Variants in CRB2 observed in about 807,000 individuals in gnomAD.
The protein encoded by CRB2 is protein crumbs homolog 2.
CRB2 carries 85 observed loss-of-function variants against 110.9 expected under a neutral mutation model. The ratio of observed to expected loss-of-function variants is 0.77; its 90% CI spans 0.64 to 0.92. The LOEUF (loss-of-function observed/expected upper bound fraction) is 0.92, where lower values mean the gene tolerates loss of function less well. CRB2 is among the 40% of genes least tolerant of loss of function. The pLI is 0.00. For missense variants in CRB2, 1,843 were observed against 1,851.3 expected, an observed-to-expected ratio of 1.00 and a Z score of 0.08; for synonymous variants, 907 against 831.0, an observed-to-expected ratio of 1.09 and a Z score of -1.57.
At position 123,374,533 on chromosome 9, in the gene CRB2, G is replaced by T. The variant is rs778044295; in HGVS notation, c.3390-46G>T. On this transcript the variant is annotated intron_variant, in intron 10 of 12. Coordinates refer to ENST00000373631, the MANE Select transcript of CRB2 (RefSeq NM_173689.7). ...CACGGTCACAGCGCTGGGGAGGGCA[G>T]GTCCCAGGTGTCCTGCACCCACTCC... The T allele has an allele frequency of 2.8e-6, 4 of 1,422,792 alleles. No homozygotes were observed. In the South Asian group the frequency reaches 3.5e-5, roughly 12 times the overall value. 88.1% of individuals were successfully genotyped at this position (1,422,792 alleles called of 1,614,324 possible).
At chr9:123,375,158 T>G in intron 11 of CRB2, 59 bp from the exon 12 acceptor site, 1 of 1,607,518 alleles carries the variant, frequency 6.2e-7, no homozygotes, top group Non-Finnish European at 8.5e-7. Flanking sequence ...GCAGAGCAGC[T>G]GGGAGCACAA....
chr9:123,375,290 G>T lies in CRB2; in HGVS notation c.3580G>T (p.Val1194Leu), dbSNP rs1328392328. The change falls in exon 12 of 13, where the codon GTG becomes TTG. Residue 1194 changes from valine to leucine, a missense_variant. Val to Leu is a conservative substitution (Grantham distance 32). Coordinates refer to ENST00000373631, the MANE Select transcript of CRB2 (RefSeq NM_173689.7). ...NGGTCRAAGG[V>L]SECICNARFS... is the part of the protein sequence containing the mutation. ...GGGCACCTGCCGGGCAGCTGGAGGG[G>T]TGTCTGAATGTATCTGCAATGCCAG... 3 of 1,611,814 alleles carry T rather than the reference G, an allele frequency of 1.9e-6. No homozygotes were observed. The highest frequency in any genetic ancestry group is 1.7e-5 in the Admixed American group (1 of 59,758).
At position 123,377,232 on chromosome 9, in the gene CRB2, C is replaced by T; in HGVS notation, c.*170C>T. ...TGGATGGAGGACGAGGGGAGCAACT[C>T]AGGGAAACAGAGGCCTAGAGAGGCT... is the stretch of plus-strand genomic sequence containing the variant. On this transcript the variant is annotated 3_prime_UTR_variant, in exon 13 of 13. Transcript: ENST00000373631. The T allele has an allele frequency of 1.5e-6, 1 of 648,398 alleles. No homozygotes were observed. The highest frequency in any genetic ancestry group is 2.6e-6 in the Non-Finnish European group (1 of 386,004). 40.2% of individuals were successfully genotyped at this position (648,398 alleles called of 1,614,324 possible). A position where few individuals can be genotyped will look rare whatever the true frequency, so the allele number is the denominator to read the frequency against.
intron 12 of CRB2, among the ~76,000 whole-genome samples, chr9:123,376,419 C>T (rs1002555847): frequency 3.9e-5 from 6 of 152,100 alleles, no homozygotes; most frequent in South Asian, 4.1e-4. Flanking sequence ...AACAGCCCCT[C>T]GGCCCCCCTG....
In CRB2 at chr9:123,367,312, C is replaced by T. The variant is rs771641406; in HGVS notation, c.895C>T (p.Arg299Cys). ...CGCCTTCCCTGGCGCCTTCAGCTTCCGCCATGCTGCGGGTTTCCTGTGCCA... is the reference window on the plus strand; with the variant it reads ...CGCCTTCCCTGGCGCCTTCAGCTTCTGCCATGCTGCGGGTTTCCTGTGCCA... ...QAAFPGAFSFRHAAGFLCHCP... is the reference protein window; with the variant it reads ...QAAFPGAFSFCHAAGFLCHCP... The change falls in exon 5 of 13, where the codon CGC (arginine) becomes TGC (cysteine). Residue 299 changes from arginine (R) to cysteine (C), a missense_variant. Physicochemically the swap from Arg to Cys is radical, Grantham distance 180. Transcript: ENST00000373631. 62 of 1,604,358 alleles carry T rather than the reference C, an allele frequency of 3.9e-5. No homozygotes were observed. The highest frequency in any genetic ancestry group is 1.7e-4 in the African/African-American group (13 of 74,850).
At chr9:123,369,797 C>T (rs188651307) in intron 6 of CRB2, among the ~76,000 whole-genome samples, 15 of 152,038 alleles carry the variant, frequency 9.9e-5, no homozygotes, top group Admixed American at 9.8e-4. Flanking sequence ...TGAAGGCTGG[C>T]GAACTGGGGG....
rs200215866 is a variant in CRB2 at position 123,367,373 on chromosome 9, G to A, written c.940+16G>A. Reference sequence around the variant, plus strand: ...GGCTTTGAGGGTGAGCCCCTGCTGGGGAAGCGGTCAGCCCATGTCCAGATG... The same window carrying A: ...GGCTTTGAGGGTGAGCCCCTGCTGGAGAAGCGGTCAGCCCATGTCCAGATG... On this transcript the variant is annotated intron_variant, in intron 5 of 12. Transcript: ENST00000373631. The A allele has an allele frequency of 2.5e-6, 4 of 1,594,008 alleles. No individual in the cohort carries two copies. Among genetic ancestry groups the A allele is most frequent in the Non-Finnish European group, 3.4e-6 (4 of 1,178,062 alleles).
intron 8 of CRB2, 104 bp downstream of exon 8, chr9:123,371,682 T>G: frequency 6.6e-7 from 1 of 1,507,396 alleles, no homozygotes; most frequent in Non-Finnish European, 9.0e-7. Flanking sequence ...ATGAGGAAAC[T>G]GAGGCTCAGG....
rs1332703929 is a variant in CRB2 at position 123,367,369 on chromosome 9, C to G, written c.940+12C>G. The G allele has an allele frequency of 1.1e-5, 17 of 1,595,634 alleles. No individual in the cohort carries two copies. The highest frequency in any genetic ancestry group is 1.4e-5 in the Non-Finnish European group (16 of 1,178,392). ...TCCTGGCTTTGAGGGTGAGCCCCTGCTGGGGAAGCGGTCAGCCCATGTCCA... is the reference window on the plus strand; with the variant it reads ...TCCTGGCTTTGAGGGTGAGCCCCTGGTGGGGAAGCGGTCAGCCCATGTCCA... On this transcript the variant is annotated intron_variant, in intron 5 of 12. Transcript: ENST00000373631.
In CRB2 at chr9:123,377,301, G is replaced by A; in HGVS notation, c.*239G>A. On this transcript the variant is annotated 3_prime_UTR_variant, in exon 13 of 13. Coordinates refer to ENST00000373631, the MANE Select transcript of CRB2 (RefSeq NM_173689.7). ...CCCTCGGGGTTCCGCCTTGGCAGGT[G>A]TACGGCTGTGCGTGGGAGGGCACAC... is the stretch of plus-strand genomic sequence containing the variant. The A allele has an allele frequency of 1.9e-6, 1 of 533,814 alleles. No individual in the cohort carries two copies. Among genetic ancestry groups the A allele is most frequent in the Non-Finnish European group, 3.3e-6 (1 of 300,764 alleles). 33.1% of individuals were successfully genotyped at this position (533,814 alleles called of 1,614,324 possible).
At chr9:123,379,418 C>T (rs1031097486), downstream of CRB2, among the ~76,000 whole-genome samples, 4 of 152,182 alleles carry the variant, frequency 2.6e-5, no homozygotes, top group South Asian at 2.1e-4. Context: ...CCATGGCCCC[C>T]GCAGGGCTGA....
chr9:123,366,511 G>A (rs571026224), intron 4 of CRB2, 145 bp downstream of exon 4: 2 of 1,053,820 alleles, frequency 1.9e-6, no homozygotes, highest in South Asian at 3.8e-5. Flanking sequence ...GCAACCTGTC[G>A]GAGCCTCAGT....
At chr9:123,364,731 G>T (rs1269230596) in intron 2 of CRB2, among the ~76,000 whole-genome samples, 1 of 152,196 alleles carries the variant, frequency 6.6e-6, no homozygotes, top group East Asian at 1.9e-4. Flanking sequence ...CGTGAGTCCA[G>T]GATGATCTCA....
At chr9:123,363,293 C>T in intron 2 of CRB2, 105 bp downstream of exon 2, 1 of 1,221,464 alleles carries the variant, frequency 8.2e-7, no homozygotes. Flanking sequence ...GTAGGGACGC[C>T]CCCAGGCATC....
intron 1 of CRB2, among the ~76,000 whole-genome samples, chr9:123,359,434 T>G (rs868825940): frequency 7.6e-5 from 7 of 91,898 alleles, no homozygotes; most frequent in Non-Finnish European, 1.0e-4. Context: ...TTTTTCGTTT[T>G]TGTTTTGTTT....
rs1277020844 is a variant in CRB2 at position 123,373,273 on chromosome 9, G to A, written c.2742G>A (p.Ala914=). 3.4e-6 allele frequency: 5 copies of A among 1,483,458 alleles called. No individual in the cohort carries two copies. The highest frequency in any genetic ancestry group is 2.3e-5 in the Admixed American group (1 of 43,082). 91.9% of individuals were successfully genotyped at this position (1,483,458 alleles called of 1,614,324 possible). The change falls in exon 10 of 13, where the codon GCG becomes GCA. Residue 914 remains alanine, a synonymous_variant. Transcript: ENST00000373631. ...DSEAWLLRAA[A]GALEGVWLAV... is the part of the protein sequence containing the mutation. Reference sequence around the variant, plus strand: ...AGGCCTGGCTGCTGCGTGCCGCGGCGGGCGCCCTGGAAGGCGTGTGGCTGG... The same window carrying A: ...AGGCCTGGCTGCTGCGTGCCGCGGCAGGCGCCCTGGAAGGCGTGTGGCTGG...
chr9:123,368,693 G>C, intron 6 of CRB2: 1 of 908,404 alleles, frequency 1.1e-6, no homozygotes. Context: ...AGCCAGGGAG[G>C]GGGGACCCCA....
chr9:123,371,329 G>A lies in CRB2; in HGVS notation c.2187G>A (p.Val729=). ...GRWDDGLRHL[V]MLSFGPDQLQ... ...GGGATGATGGGCTCCGTCACCTGGTGATGCTCAGCTTCGGGCCTGACCAGC... is the reference window on the plus strand; with the variant it reads ...GGGATGATGGGCTCCGTCACCTGGTAATGCTCAGCTTCGGGCCTGACCAGC... Residue 729 remains valine (V), a synonymous_variant, in exon 8 of 13, where the codon GTG becomes GTA. Coordinates refer to ENST00000373631, the MANE Select transcript of CRB2 (RefSeq NM_173689.7). The A allele has an allele frequency of 6.2e-7, 1 of 1,609,172 alleles. No homozygotes were observed.
chr9:123,365,566 C>G (rs1204350853), intron 2 of CRB2, among the ~76,000 whole-genome samples: 2 of 152,216 alleles, frequency 1.3e-5, no homozygotes, highest in Non-Finnish European at 2.9e-5. Context: ...TTCTAGGAAG[C>G]CTTCCCTGAA....
Sources: gnomAD v4.1 joint callset for allele counts (sites outside exome capture counted in the v4.1 genomes callset) on GRCh38, gnomAD v4.1.1 for gene constraint, MANE v1.5 for transcripts, NCBI Gene and HGNC (gene_info 2026-07-23, HGNC 2026-07-21) for gene names.